The following TRIM3 variants were observed in gnomAD, a reference collection of about 807,000 sequenced individuals.
TRIM3 encodes tripartite motif containing 3.
In TRIM3, 13 loss-of-function variants were observed where a neutral mutation model predicts 66.6. The observed-to-expected ratio is 0.20, with a 90% CI of 0.13 to 0.31. The LOEUF is 0.31. Ranked by LOEUF, TRIM3 falls within the 10% of genes least tolerant of loss-of-function variation. The pLI, the probability that TRIM3 is intolerant of heterozygous loss-of-function variation, is 1.00. For missense variants in TRIM3, 711 were observed against 1,020.4 expected, an observed-to-expected ratio of 0.70 and a Z score of 4.13; for synonymous variants, 406 against 411.7, an observed-to-expected ratio of 0.99 and a Z score of 0.17.
In TRIM3 at chr11:6,450,823, G is replaced by A; in HGVS notation, c.1870+69C>T. 3.2e-6 allele frequency: 5 copies of A among 1,586,186 alleles called. No homozygotes were observed. Among genetic ancestry groups the A allele is most frequent in the Non-Finnish European group, 4.3e-6 (5 of 1,160,340 alleles). ...GATATAGGAGGAGAGGGCCTTTACA[G>A]CTGGGGTATCTAGGGGAGTTCTCTG... On this transcript the variant is annotated intron_variant, in intron 9 of 11. Coordinates refer to ENST00000345851, the MANE Select transcript of TRIM3 (RefSeq NM_033278.4). This position sits in a 1 kb window ranked among gnomAD's most constrained non-coding sequence, Gnocchi z 4.8.
chr11:6,473,187 G>A (rs1464626730), intron 1 of TRIM3: 1 of 152,612 alleles, frequency 6.6e-6, no homozygotes, highest in African/African-American at 2.4e-5. Context: ...GTCAGAACCA[G>A]GGAGGGGCCT....
intron 2 of TRIM3, among the ~76,000 whole-genome samples, chr11:6,460,523 C>T (rs769748543): frequency 3.3e-5 from 5 of 151,842 alleles, no homozygotes; most frequent in Admixed American, 6.6e-5. Flanking sequence ...GAGGACTGGA[C>T]GTCAGTCTCT....
chr11:6,450,829 G>C lies in TRIM3; in HGVS notation c.1870+63C>G. On this transcript the variant is annotated intron_variant, in intron 9 of 11. Coordinates refer to ENST00000345851, the MANE Select transcript of TRIM3 (RefSeq NM_033278.4). The surrounding 1 kb of genome is among the most constrained non-coding windows in gnomAD (Gnocchi z 4.8). ...GGAGGAGAGGGCCTTTACAGCTGGG[G>C]TATCTAGGGGAGTTCTCTGGAACAG... is the stretch of plus-strand genomic sequence containing the variant. 1.3e-6 allele frequency: 2 copies of C among 1,591,778 alleles called. No homozygotes were observed. Among genetic ancestry groups the C allele is most frequent in the Non-Finnish European group, 1.7e-6 (2 of 1,164,328 alleles).
rs767172065 is a variant in TRIM3 at position 6,456,389 on chromosome 11, C to T, written c.1337G>A (p.Arg446His). The change falls in exon 6 of 12, where the codon CGC becomes CAC. Residue 446 changes from arginine (R) to histidine (H), a missense_variant. Physicochemically the swap from Arg to His is conservative, Grantham distance 29. Around this residue, in one of 3 missense-constraint regions of TRIM3, gnomAD observed 399 missense variants for 458.1 expected, o/e 0.87. Transcript: ENST00000345851. This position sits in a 1 kb window ranked among gnomAD's most constrained non-coding sequence, Gnocchi z 6.4. ...KSPGGPGSHVRQKAVRRPSSM... is the reference protein window; with the variant it reads ...KSPGGPGSHVHQKAVRRPSSM... The stretch of plus-strand genomic sequence containing the variant: ...GCTGGGCCTACGCACTGCCTTCTGG[C>T]GCACATGGCTGCCGGGGCCGCCAGG... The T allele has an allele frequency of 3.9e-6, 6 of 1,529,956 alleles. No homozygotes were observed. Among genetic ancestry groups the T allele is most frequent in the Non-Finnish European group, 5.3e-6 (6 of 1,136,100 alleles). 94.8% of individuals were successfully genotyped at this position (1,529,956 alleles called of 1,614,324 possible). A position where few individuals can be genotyped will look rare whatever the true frequency, so the allele number is the denominator to read the frequency against.
upstream of TRIM3, chr11:6,473,964 G>A (rs926056135): frequency 9.9e-5 from 15 of 151,658 alleles, no homozygotes; most frequent in African/African-American, 2.9e-4. Context: ...GGCCGGGGCG[G>A]GGCTGCGGAC....
chr11:6,472,750 G>T (rs1850739224), intron 1 of TRIM3, among the ~76,000 whole-genome samples: 1 of 152,198 alleles, frequency 6.6e-6, no homozygotes, highest in South Asian at 2.1e-4. Context: ...AAAGTCCCAA[G>T]AAGAGAGACC....
intron 1 of TRIM3, among the ~76,000 whole-genome samples, chr11:6,469,880 A>T (rs561921319): frequency 2.7e-4 from 41 of 152,296 alleles, no homozygotes; most frequent in African/African-American, 9.6e-4. Flanking sequence ...TAACTCCTAA[A>T]GAAAGTAACG....
chr11:6,451,813 A>G (rs983240151), intron 7 of TRIM3: 14 of 229,538 alleles, frequency 6.1e-5, no homozygotes, highest in Admixed American at 2.1e-4. Flanking sequence ...CCACTTGAGG[A>G]CTTGTCCAGT....
rs760301696 is a variant in TRIM3 at position 6,457,713 on chromosome 11, G to A, written c.498C>T (p.Leu166=). 14 of 1,612,920 alleles carry A rather than the reference G, an allele frequency of 8.7e-6. No homozygotes were observed. In the East Asian group the frequency reaches 1.1e-4, roughly 13 times the overall value. ...EQHKAALQRQ[L]EAVRGRLPQL... is the part of the protein sequence containing the mutation. ...GTGCCTACCGGCCACGCACAGCCTC[G>A]AGCTGGCGCTGCAGGGCCGCCTTGT... is the stretch of plus-strand genomic sequence containing the variant. Residue 166 remains leucine, a synonymous_variant, in exon 4 of 12, where the codon CTC becomes CTT. Transcript: ENST00000345851. The surrounding 1 kb of genome is among the most constrained non-coding windows in gnomAD (Gnocchi z 4.5).
At chr11:6,453,698 A>G (rs1431135154) in intron 7 of TRIM3, among the ~76,000 whole-genome samples, 1 of 152,228 alleles carries the variant, frequency 6.6e-6, no homozygotes, top group East Asian at 1.9e-4. Flanking sequence ...AGGACATAAT[A>G]TATACAAATC....
rs898067414 is a variant in TRIM3, at chr11:6,448,954, C to T, written c.*74G>A. The T allele has an allele frequency of 4.4e-6, 7 of 1,579,770 alleles. No individual in the cohort carries two copies. The highest frequency in any genetic ancestry group is 6.1e-6 in the Non-Finnish European group (7 of 1,153,350). On this transcript the variant is annotated 3_prime_UTR_variant, in exon 12 of 12. Coordinates refer to ENST00000345851, the MANE Select transcript of TRIM3 (RefSeq NM_033278.4). The stretch of plus-strand genomic sequence containing the variant: ...ATTCAGTGCTGCCAGGTCTGGCCCA[C>T]CTCCCAGCCAGACCCTCTTGTCCAA...
rs1196684502 is a variant in TRIM3 at position 6,460,060 on chromosome 11, C to CA, written c.132-1765dup. Among the ~76,000 whole-genome samples the CA allele has an allele frequency of 8.5e-5, 13 of 152,228 alleles. No homozygotes were observed. The South Asian group carries it at 1.7e-3, about 19-fold the overall frequency. On this transcript the variant is annotated intron_variant, in intron 2 of 11. Coordinates refer to ENST00000345851, the MANE Select transcript of TRIM3 (RefSeq NM_033278.4). ...TAAGAGAGAGGGACAGAGCACTTAG[C>CA]AAAAACTGAATGAGGACAACAAAGA...
Position 6,456,282 on chromosome 11 carries a change from C to T in TRIM3, c.1429+15G>A. On this transcript the variant is annotated intron_variant, in intron 6 of 11. Transcript: ENST00000345851. The surrounding 1 kb of genome is among the most constrained non-coding windows in gnomAD (Gnocchi z 6.4). ...TGAGCCTGGCCCATCTGGCTCTGCC[C>T]TCGGCTGTCTGTACCAACACGGAAG... 6.3e-7 allele frequency: 1 copy of T among 1,575,048 alleles called. No homozygotes were observed. The highest frequency in any genetic ancestry group is 8.6e-7 in the Non-Finnish European group (1 of 1,157,954).
Position 6,457,938 on chromosome 11 carries a change from G to C in TRIM3, c.364-91C>G. On this transcript the variant is annotated intron_variant, in intron 3 of 11. Coordinates refer to ENST00000345851, the MANE Select transcript of TRIM3 (RefSeq NM_033278.4). This position sits in a 1 kb window ranked among gnomAD's most constrained non-coding sequence, Gnocchi z 4.5. ...GCCCTCCCTGCCCCTCACCTTCTAA[G>C]TGCACCCCCTACCTGGACCACTAAT... The C allele has an allele frequency of 6.4e-7, 1 of 1,568,818 alleles. No homozygotes were observed. The highest frequency in any genetic ancestry group is 1.2e-5 in the South Asian group (1 of 84,586).
In TRIM3 at chr11:6,450,354, C is replaced by T. The variant is rs948660649; in HGVS notation, c.1941+197G>A. On this transcript the variant is annotated intron_variant, in intron 10 of 11. Coordinates refer to ENST00000345851, the MANE Select transcript of TRIM3 (RefSeq NM_033278.4). This position sits in a 1 kb window ranked among gnomAD's most constrained non-coding sequence, Gnocchi z 4.8. ...ACTATAATCAAGAAGACACAGAATA[C>T]ATTTGCTTTGTGCATCACTGTATCT... The T allele has an allele frequency of 5.1e-6, 3 of 593,448 alleles. No individual in the cohort carries two copies. In the African/African-American group the frequency reaches 5.6e-5, roughly 11 times the overall value. The allele number at this position is 593,448 out of a possible 1,614,324, so 36.8% of individuals were successfully genotyped here. A position where few individuals can be genotyped will look rare whatever the true frequency, so the allele number is the denominator to read the frequency against.
intron 2 of TRIM3, among the ~76,000 whole-genome samples, chr11:6,462,710 C>A (rs1460514713): frequency 6.6e-6 from 1 of 152,066 alleles, no homozygotes; most frequent in Non-Finnish European, 1.5e-5. Context: ...CTGCACCTGG[C>A]CAGAGATATT....
intron 2 of TRIM3, among the ~76,000 whole-genome samples, chr11:6,459,268 C>T (rs954121659): frequency 5.9e-5 from 9 of 152,122 alleles, no homozygotes; most frequent in Non-Finnish European, 1.0e-4. Context: ...GAGACAAAGT[C>T]CAAGGCAAGG....
chr11:6,456,517 C>A lies in TRIM3; in HGVS notation c.1209G>T (p.Leu403=). Residue 403 remains leucine, a synonymous_variant, in exon 6 of 12, where the codon CTG becomes CTT. Transcript: ENST00000345851. The surrounding 1 kb of genome is among the most constrained non-coding windows in gnomAD (Gnocchi z 6.4). ...RTEGELLLSV[L]LYGQPVRGSP... is the part of the protein sequence containing the mutation. ...TGCCGCGCACTGGCTGTCCGTAGAG[C>A]AGCACCGAGAGGAGCAGCTCGCCTT... is the stretch of plus-strand genomic sequence containing the variant. 6.3e-7 allele frequency: 1 copy of A among 1,586,602 alleles called. No individual in the cohort carries two copies. The highest frequency in any genetic ancestry group is 1.1e-5 in the South Asian group (1 of 89,322).
At position 6,449,337 on chromosome 11, in the gene TRIM3, A is replaced by G. The variant is rs1191801370; in HGVS notation, c.2051T>C (p.Ile684Thr). The change falls in exon 11 of 12, where the codon ATT (isoleucine) becomes ACT (threonine). Residue 684 changes from isoleucine (I) to threonine (T), a missense_variant. Ile to Thr is a moderately conservative substitution (Grantham distance 89). Transcript: ENST00000345851. The surrounding 1 kb of genome is among the most constrained non-coding windows in gnomAD (Gnocchi z 5.3). ...GVAVDSNGNI[I>T]VADWGNSRIQ... The stretch of plus-strand genomic sequence containing the variant: ...GCGGCTGTTGCCCCAGTCAGCCACA[A>G]TGATGTTTCCATTGGAGTCCACAGC... 2 of 1,614,104 alleles carry G rather than the reference A, an allele frequency of 1.2e-6. No homozygotes were observed. Among genetic ancestry groups the G allele is most frequent in the Admixed American group, 1.7e-5 (1 of 60,010 alleles).
Sources: allele counts gnomAD v4.1 joint callset (sites outside exome capture counted in the v4.1 genomes callset), GRCh38; gene constraint gnomAD v4.1.1; regional missense constraint gnomAD v4.1.1; non-coding constraint Gnocchi (gnomAD v3.1); transcripts MANE v1.5; gene names NCBI Gene and HGNC (gene_info 2026-07-23, HGNC 2026-07-21).